The following NHSL3 variants were observed in gnomAD, a reference collection of about 807,000 sequenced individuals.
The protein encoded by NHSL3 is NHS like 3.
chr1:32,769,689 C>G, the NHSL3 span: 24 of 1,613,378 alleles, frequency 1.5e-5, no homozygotes, highest in Non-Finnish European at 1.9e-5. Context: ...CCTTCCGACC[C>G]CATGACTCAT....
the NHSL3 span, among the ~76,000 whole-genome samples, chr1:32,747,689 G>A: frequency 1.3e-5 from 2 of 151,974 alleles, no homozygotes; most frequent in African/African-American, 4.8e-5. Context: ...GTGGCTGGGC[G>A]TGGTGGCTCA....
chr1:32,767,997 A>G, the NHSL3 span: 13 of 1,612,020 alleles, frequency 8.1e-6, no homozygotes, highest in Non-Finnish European at 1.1e-5. Context: ...TCCTCCCTCC[A>G]GTGCTGCACT....
At chr1:32,748,077 T>A in the NHSL3 span, among the ~76,000 whole-genome samples, 1 of 152,036 alleles carries the variant, frequency 6.6e-6, no homozygotes, top group Non-Finnish European at 1.5e-5. Context: ...GCCATTGCAC[T>A]TCAGCCTGGG....
the NHSL3 span, among the ~76,000 whole-genome samples, chr1:32,750,701 T>C: frequency 4.0e-5 from 6 of 151,650 alleles, no homozygotes; most frequent in African/African-American, 1.5e-4. Context: ...AGAGACGGGG[T>C]TTCACCATGT....
chr1:32,744,630 T>G, the NHSL3 span, among the ~76,000 whole-genome samples: 1 of 150,384 alleles, frequency 6.6e-6, no homozygotes, highest in Non-Finnish European at 1.5e-5. Flanking sequence ...GTGGGGAGAG[T>G]ATCAGAATCA....
the NHSL3 span, among the ~76,000 whole-genome samples, chr1:32,755,472 C>G: frequency 2.6e-5 from 4 of 152,144 alleles, no homozygotes; most frequent in South Asian, 8.3e-4. Flanking sequence ...TGGGGGACCT[C>G]TCCTCTCAAT....
the NHSL3 span, among the ~76,000 whole-genome samples, chr1:32,763,556 T>A: frequency 6.6e-6 from 1 of 152,120 alleles, no homozygotes; most frequent in African/African-American, 2.4e-5. Context: ...AATGTCCTTT[T>A]CTGTTTATTT....
the NHSL3 span, among the ~76,000 whole-genome samples, chr1:32,762,290 C>T: frequency 6.6e-6 from 1 of 152,034 alleles, no homozygotes; most frequent in Non-Finnish European, 1.5e-5. Context: ...ATTTTTAGTT[C>T]CCTAGGGACT....
chr1:32,745,031 C>T, the NHSL3 span, among the ~76,000 whole-genome samples: 2 of 149,778 alleles, frequency 1.3e-5, no homozygotes, highest in African/African-American at 4.9e-5. Flanking sequence ...AAGGCTGAGG[C>T]AAGAGAATTG....
chr1:32,742,918 T>G, the NHSL3 span, among the ~76,000 whole-genome samples: 1 of 152,244 alleles, frequency 6.6e-6, no homozygotes, highest in East Asian at 1.9e-4. Flanking sequence ...GGAGAGGCTG[T>G]ACCTGGGCTG....
the NHSL3 span, chr1:32,742,285 G>C: frequency 1.7e-6 from 2 of 1,152,360 alleles, no homozygotes; most frequent in Non-Finnish European, 2.2e-6. Flanking sequence ...GTTGGAGGGG[G>C]GTGACCCCCA....
At chr1:32,760,232 C>T in the NHSL3 span, among the ~76,000 whole-genome samples, 3 of 152,104 alleles carry the variant, frequency 2.0e-5, no homozygotes, top group Non-Finnish European at 4.4e-5. Context: ...AGCAAGGCCA[C>T]CTGGACAGCT....
the NHSL3 span, chr1:32,772,845 C>T: frequency 6.2e-7 from 1 of 1,613,710 alleles, no homozygotes; most frequent in East Asian, 2.2e-5. Context: ...TGCTAAGTGT[C>T]TCTTATTTTT....
the NHSL3 span, among the ~76,000 whole-genome samples, chr1:32,746,015 G>C: frequency 6.6e-6 from 1 of 152,060 alleles, no homozygotes; most frequent in African/African-American, 2.4e-5. Context: ...CGGATCACAA[G>C]GTCAGGAGAT....
At chr1:32,754,609 G>A in the NHSL3 span, among the ~76,000 whole-genome samples, 1 of 152,070 alleles carries the variant, frequency 6.6e-6, no homozygotes, top group Admixed American at 6.6e-5. Flanking sequence ...CGGTCATGTG[G>A]GTACAGTTGC....
At chr1:32,771,988 A>G in the NHSL3 span, 1 of 1,605,570 alleles carries the variant, frequency 6.2e-7, no homozygotes, top group Non-Finnish European at 8.5e-7. Flanking sequence ...GGTCCGACTC[A>G]AGGCCTGCAG....
chr1:32,771,879 C>T, the NHSL3 span: 5 of 1,593,078 alleles, frequency 3.1e-6, no homozygotes, highest in Non-Finnish European at 8.6e-7. Context: ...GGGCTCCCAC[C>T]CCAGCACTGG....
At chr1:32,767,435 C>CG in the NHSL3 span, among the ~76,000 whole-genome samples, 1 of 152,024 alleles carries the variant, frequency 6.6e-6, no homozygotes, top group Admixed American at 6.6e-5. Flanking sequence ...TGTTTATACT[C>CG]GGATGCCCTT....
the NHSL3 span, chr1:32,770,459 C>T: frequency 6.2e-7 from 1 of 1,602,548 alleles, no homozygotes; most frequent in South Asian, 1.1e-5. The surrounding 1 kb of genome is among the most constrained non-coding windows in gnomAD (Gnocchi z 8.3). Flanking sequence ...ACCATTGTGT[C>T]TGACGGTTCC....
Sources: allele counts gnomAD v4.1 joint callset (sites outside exome capture counted in the v4.1 genomes callset), GRCh38; gene constraint gnomAD v4.1.1; non-coding constraint Gnocchi (gnomAD v3.1); transcripts MANE v1.5; gene names NCBI Gene and HGNC (gene_info 2026-07-23, HGNC 2026-07-21).